Variants in ATXN7 observed in about 807,000 individuals in gnomAD.
ATXN7 encodes ataxin-7.
Under a neutral mutation model 70.5 loss-of-function variants are expected in ATXN7, and 12 were observed. That is an observed-to-expected ratio of 0.17 (90% CI 0.11 to 0.28). The LOEUF (loss-of-function observed/expected upper bound fraction) is 0.28, where lower values mean the gene tolerates loss of function less well. Ranked by LOEUF, ATXN7 falls within the 10% of genes least tolerant of loss-of-function variation. The probability of loss-of-function intolerance (pLI) is 1.00; values close to 1 mark genes in which losing one functional copy is unlikely to be tolerated. For synonymous variants in ATXN7, 498 were observed against 448.7 expected, an observed-to-expected ratio of 1.11 and a Z score of -1.39; for missense variants, 1,256 against 1,131.7, an observed-to-expected ratio of 1.11 and a Z score of -1.58.
intron 1 of ATXN7, among the ~76,000 whole-genome samples, chr3:63,894,535 T>C (rs987329549): frequency 2.6e-5 from 4 of 152,170 alleles, no homozygotes; most frequent in Admixed American, 1.3e-4. Context: ...TGTTTTGTTT[T>C]GTTTTTGAGT....
At chr3:63,940,288 C>T (rs1461418164) in intron 4 of ATXN7, among the ~76,000 whole-genome samples, 1 of 69,184 alleles carries the variant, frequency 1.4e-5, no homozygotes, top group African/African-American at 5.2e-5. Context: ...TGCCCCATCA[C>T]ACACACACAC....
intron 5 of ATXN7, among the ~76,000 whole-genome samples, chr3:63,961,169 T>C (rs1452082858): frequency 2.6e-5 from 4 of 152,208 alleles, no homozygotes; most frequent in African/African-American, 4.8e-5. Flanking sequence ...AAGTAATATT[T>C]ACCAATGTAT....
At chr3:63,889,529 A>G (rs1161257336) in intron 1 of ATXN7, among the ~76,000 whole-genome samples, 1 of 152,206 alleles carries the variant, frequency 6.6e-6, no homozygotes, top group Non-Finnish European at 1.5e-5. Flanking sequence ...GGCAAGGGCT[A>G]GAAATAGCCT....
At chr3:63,907,290 C>A (rs1175879637) in intron 2 of ATXN7, among the ~76,000 whole-genome samples, 2 of 151,952 alleles carry the variant, frequency 1.3e-5, no homozygotes, top group Non-Finnish European at 2.9e-5. Context: ...GCTGAGCCCC[C>A]AAAAATGGTG....
intron 4 of ATXN7, among the ~76,000 whole-genome samples, chr3:63,920,567 TACTG>T (rs1255882642): frequency 1.3e-5 from 2 of 152,188 alleles, no homozygotes; most frequent in East Asian, 1.9e-4. Flanking sequence ...TGTCTAGAAA[TACTG>T]ACCTTTACCA....
At chr3:63,913,041 T>G (rs2107298315) in intron 3 of ATXN7, 116 bp from the exon 4 acceptor site, 2 of 1,402,094 alleles carry the variant, frequency 1.4e-6, no homozygotes, top group East Asian at 5.2e-5. Context: ...TGCTATCGTT[T>G]GCTGGGTTGC....
At chr3:63,952,196 T>C (rs891276185) in intron 4 of ATXN7, among the ~76,000 whole-genome samples, 183 bp from the exon 5 acceptor site, 1 of 152,248 alleles carries the variant, frequency 6.6e-6, no homozygotes, top group African/African-American at 2.4e-5. Context: ...ACTTTAACCC[T>C]TTTTAAAGTG....
chr3:63,953,720 G>A (rs111526132), intron 5 of ATXN7, among the ~76,000 whole-genome samples: 14,266 of 149,668 alleles, frequency 0.095, 829 homozygotes, highest in Middle Eastern at 0.15. Context: ...GTGCGATCTC[G>A]GCTCACTGCA....
intron 6 of ATXN7, among the ~76,000 whole-genome samples, chr3:63,981,674 G>A (rs758451191): frequency 2.0e-5 from 3 of 152,166 alleles, no homozygotes; most frequent in Non-Finnish European, 4.4e-5. Flanking sequence ...ATTGACAGAA[G>A]CAAAGAACCT....
intron 5 of ATXN7, among the ~76,000 whole-genome samples, chr3:63,962,286 C>T (rs534228449): frequency 2.6e-5 from 4 of 152,224 alleles, no homozygotes; most frequent in African/African-American, 9.6e-5. Context: ...CAAATAGCCC[C>T]TGATCACACA....
At chr3:63,948,672 G>T (rs1467518742) in intron 4 of ATXN7, among the ~76,000 whole-genome samples, 1 of 152,136 alleles carries the variant, frequency 6.6e-6, no homozygotes, top group Non-Finnish European at 1.5e-5. Flanking sequence ...TCTAGCAGAG[G>T]GACTTCATTC....
intron 6 of ATXN7, 142 bp from the exon 7 acceptor site, chr3:63,982,044 A>G: frequency 1.8e-6 from 2 of 1,129,742 alleles, no homozygotes; most frequent in Middle Eastern, 2.4e-4. Context: ...TACTAACAAA[A>G]CTCATAAGGA....
intron 5 of ATXN7, among the ~76,000 whole-genome samples, chr3:63,964,778 T>A (rs988294549): frequency 6.6e-6 from 1 of 152,212 alleles, no homozygotes; most frequent in African/African-American, 2.4e-5. Context: ...ATAGCAGGCT[T>A]CCAGGCCCAC....
At chr3:63,985,717 C>G (rs961061117) in intron 8 of ATXN7, among the ~76,000 whole-genome samples, 1 of 152,200 alleles carries the variant, frequency 6.6e-6, no homozygotes, top group South Asian at 2.1e-4. Context: ...CTTCATCTGT[C>G]TAATATCCCG....
In ATXN7 at chr3:64,001,635, C is replaced by T. The variant is rs1276325413; in HGVS notation, c.*2168C>T. The T allele has an allele frequency of 6.6e-6, 1 of 152,182 alleles. No homozygotes were observed. Among genetic ancestry groups the T allele is most frequent in the East Asian group, 1.9e-4 (1 of 5,194 alleles). The allele number at this position is 152,182 out of a possible 1,614,324, so 9.4% of individuals were successfully genotyped here. A position where few individuals can be genotyped will look rare whatever the true frequency, so the allele number is the denominator to read the frequency against. On this transcript the variant is annotated 3_prime_UTR_variant, in exon 13 of 13. Coordinates refer to ENST00000674280, the MANE Select transcript of ATXN7 (RefSeq NM_001377405.1). ...TTAGCAAGTATTGAACATTTGATTT[C>T]TTAGACTGAGGTTTTAAATGAATTT...
chr3:63,948,115 A>G (rs1172259686), intron 4 of ATXN7, among the ~76,000 whole-genome samples: 1 of 152,092 alleles, frequency 6.6e-6, no homozygotes, highest in Non-Finnish European at 1.5e-5. Context: ...TACTTAGGGG[A>G]CTTCTTCCAG....
intron 4 of ATXN7, among the ~76,000 whole-genome samples, chr3:63,943,218 G>A (rs573044388): frequency 6.6e-5 from 10 of 152,320 alleles, no homozygotes; most frequent in Admixed American, 6.5e-5. Flanking sequence ...CAAAGGGCCC[G>A]AAGTGGGGTT....
In ATXN7 at chr3:63,912,774, G is replaced by C; in HGVS notation, c.176G>C (p.Arg59Pro). The C allele has an allele frequency of 6.8e-7, 1 of 1,473,650 alleles. No individual in the cohort carries two copies. The highest frequency in any genetic ancestry group is 9.0e-7 in the Non-Finnish European group (1 of 1,114,286). The allele number at this position is 1,473,650 out of a possible 1,614,324, so 91.3% of individuals were successfully genotyped here. Residue 59 changes from arginine (R) to proline (P), a missense_variant, in exon 3 of 13, where the codon CGG (arginine) becomes CCG (proline). Physicochemically the swap from Arg to Pro is moderately radical, Grantham distance 103. Coordinates refer to ENST00000674280, the MANE Select transcript of ATXN7 (RefSeq NM_001377405.1). The part of the protein sequence containing the change: ...QHPPPPPRRT[R>P]PEDGGPGAAS... ...CCGCCACCGCCGCCACGGCGCACAC[G>C]GCCGGAGGACGGCGGGCCCGGCGCC...
At chr3:63,933,484 C>T (rs1194756232) in intron 4 of ATXN7, among the ~76,000 whole-genome samples, 1 of 152,150 alleles carries the variant, frequency 6.6e-6, no homozygotes, top group African/African-American at 2.4e-5. Flanking sequence ...ATCTGAGGTA[C>T]AGTTTTTGCC....
Sources: gnomAD v4.1 joint callset for allele counts (sites outside exome capture counted in the v4.1 genomes callset) on GRCh38, gnomAD v4.1.1 for gene constraint, MANE v1.5 for transcripts, NCBI Gene and HGNC (gene_info 2026-07-23, HGNC 2026-07-21) for gene names.